The following TOX2 variants were observed in gnomAD, a reference collection of about 807,000 sequenced individuals.
The protein encoded by TOX2 is granulosa cell HMG box 1.
In TOX2, 15 loss-of-function variants were observed where a neutral mutation model predicts 47.4. The observed-to-expected ratio is 0.32, with a 90% CI of 0.21 to 0.49. The LOEUF (loss-of-function observed/expected upper bound fraction) is 0.49, where lower values mean the gene tolerates loss of function less well. Among genes scored for constraint, TOX2 ranks in the 20% least tolerant of loss-of-function variants. The pLI is 0.99. For synonymous variants in TOX2, 290 were observed against 296.6 expected (o/e 0.98, Z 0.23); for missense variants, 622 against 673.1 (o/e 0.92, Z 0.84).
At chr20:43,969,779 A>G (rs2069930427) in intron 1 of TOX2, among the ~76,000 whole-genome samples, 1 of 152,192 alleles carries the variant, frequency 6.6e-6, no homozygotes, top group Non-Finnish European at 1.5e-5. Context: ...TGCCTCGGGA[A>G]CCTCTGCCAG....
intron 1 of TOX2, among the ~76,000 whole-genome samples, chr20:43,964,023 G>A (rs751459158): frequency 2.2e-4 from 33 of 151,632 alleles, no homozygotes; most frequent in African/African-American, 6.3e-4. Flanking sequence ...AGCACTTTCC[G>A]TATATTTATT....
At chr20:43,967,431 G>A (rs1315842825) in intron 1 of TOX2, among the ~76,000 whole-genome samples, 3 of 151,948 alleles carry the variant, frequency 2.0e-5, no homozygotes, top group African/African-American at 4.8e-5. Context: ...ATTGCTATGC[G>A]CCTATCCATT....
rs199887359 is a variant in TOX2, at chr20:44,064,864, C to T, written c.960+7C>T. The stretch of plus-strand genomic sequence containing the variant: ...GGCTAGCCTCGTCTCCAAGGTAACA[C>T]CCGGAATCTCCAGGCACAGCCCTGA... On this transcript the variant is annotated splice_region_variant and intron_variant, in intron 6 of 8. Coordinates refer to ENST00000341197, the MANE Select transcript of TOX2 (RefSeq NM_001098797.2). 5.0e-5 allele frequency: 81 copies of T among 1,613,710 alleles called. No individual in the cohort carries two copies. The African/African-American group carries it at 1.0e-3, about 20-fold the overall frequency.
At chr20:44,001,509 C>T (rs1447592493) in intron 2 of TOX2, among the ~76,000 whole-genome samples, 1 of 152,182 alleles carries the variant, frequency 6.6e-6, no homozygotes, top group Non-Finnish European at 1.5e-5. Context: ...TGCTAATTGC[C>T]TCTTTAAGTG....
At chr20:44,067,150 G>A (rs1203672610) in intron 8 of TOX2, among the ~76,000 whole-genome samples, 1 of 152,202 alleles carries the variant, frequency 6.6e-6, no homozygotes, top group Non-Finnish European at 1.5e-5. Flanking sequence ...TCACAGATGA[G>A]TCCTGCATCT....
intron 3 of TOX2, among the ~76,000 whole-genome samples, chr20:44,028,566 T>C (rs1227715296): frequency 4.6e-5 from 7 of 152,202 alleles, no homozygotes; most frequent in African/African-American, 1.7e-4. Flanking sequence ...CCAGGCACTC[T>C]TCCAAGCCCT....
rs979844001 is a variant in TOX2, at chr20:44,032,836, C to A, written c.412-18470C>A. ...AGACAAAACCAGCCCCCAAAGGGGA[C>A]AAATTGCTTTTCATTTCTCTGCTTC... On this transcript the variant is annotated intron_variant, in intron 3 of 8. Coordinates refer to ENST00000341197, the MANE Select transcript of TOX2 (RefSeq NM_001098797.2). Among the ~76,000 whole-genome samples the A allele has an allele frequency of 6.6e-5, 10 of 152,176 alleles. No individual in the cohort carries two copies. In the South Asian group the frequency reaches 8.3e-4, roughly 13 times the overall value.
At chr20:43,941,069 C>A (rs1034538601) in intron 1 of TOX2, among the ~76,000 whole-genome samples, 1 of 152,090 alleles carries the variant, frequency 6.6e-6, no homozygotes, top group Admixed American at 6.5e-5. Flanking sequence ...AAGGAAGGTT[C>A]CATGGAAATC....
At chr20:44,067,858 G>A (rs2071858436) in intron 8 of TOX2, among the ~76,000 whole-genome samples, 1 of 152,170 alleles carries the variant, frequency 6.6e-6, no homozygotes, top group Non-Finnish European at 1.5e-5. Flanking sequence ...GGGGGACGTA[G>A]TGCCAAGCAG....
intron 3 of TOX2, among the ~76,000 whole-genome samples, chr20:44,029,064 C>A (rs899071109): frequency 2.0e-5 from 3 of 152,170 alleles, no homozygotes; most frequent in Non-Finnish European, 2.9e-5. Context: ...AGCTTCGTCC[C>A]TTCCTTGGCC....
chr20:43,995,340 G>T (rs546987241), intron 2 of TOX2, among the ~76,000 whole-genome samples: 1 of 152,100 alleles, frequency 6.6e-6, no homozygotes, highest in South Asian at 2.1e-4. Flanking sequence ...TGACAAAATT[G>T]CATTTCATTC....
At position 44,066,865 on chromosome 20, in the gene TOX2, C is replaced by G. The variant is rs376829348; in HGVS notation, c.1484+8C>G. 6.2e-7 allele frequency: 1 copy of G among 1,609,970 alleles called. No individual in the cohort carries two copies. Among genetic ancestry groups the G allele is most frequent in the East Asian group, 2.2e-5 (1 of 44,842 alleles). The stretch of plus-strand genomic sequence containing the variant: ...TGGCATCAGCACCTGCAGGTTAGTC[C>G]TCGCCCGTCCCTGCCTTTGTCCTGC... On this transcript the variant is annotated splice_region_variant and intron_variant, in intron 8 of 8. Transcript: ENST00000341197.
chr20:43,927,417 A>T (rs11906108), intron 1 of TOX2, among the ~76,000 whole-genome samples: 17,867 of 149,082 alleles, frequency 0.12, 1,361 homozygotes, highest in East Asian at 0.21. Flanking sequence ...GAGTCCTCAG[A>T]AATATATTCC....
chr20:43,992,976 C>T (rs2070397094), intron 2 of TOX2, among the ~76,000 whole-genome samples: 1 of 152,134 alleles, frequency 6.6e-6, no homozygotes, highest in Admixed American at 6.5e-5. Flanking sequence ...TCCTTATACC[C>T]ACCAAGCATG....
intron 3 of TOX2, among the ~76,000 whole-genome samples, chr20:44,026,944 G>A (rs1450501375): frequency 2.0e-5 from 3 of 152,144 alleles, no homozygotes; most frequent in Non-Finnish European, 4.4e-5. Context: ...TTCAGTCTCG[G>A]CTTAACCAGC....
chr20:44,051,184 G>A lies in TOX2; in HGVS notation c.412-122G>A, dbSNP rs571077037. On this transcript the variant is annotated intron_variant, in intron 3 of 8. Coordinates refer to ENST00000341197, the MANE Select transcript of TOX2 (RefSeq NM_001098797.2). ...TCTTGAGATTCACCTGTCAGGGATC[G>A]GAGCAGGAGCCGCACCCATCACTTC... 34 of 1,387,658 alleles carry A rather than the reference G, an allele frequency of 2.5e-5. 1 individual carries two copies. Among genetic ancestry groups the A allele is most frequent in the South Asian group, 1.1e-4 (7 of 63,476 alleles). 86.0% of individuals were successfully genotyped at this position (1,387,658 alleles called of 1,614,324 possible).
intron 3 of TOX2, among the ~76,000 whole-genome samples, chr20:44,044,284 C>T (rs1288712280): frequency 3.3e-5 from 5 of 151,264 alleles, no homozygotes; most frequent in African/African-American, 4.9e-5. Context: ...TTGTGGGGGG[C>T]GGTTGTGGGG....
chr20:43,976,135 G>A (rs372080715), intron 2 of TOX2, among the ~76,000 whole-genome samples: 5 of 152,238 alleles, frequency 3.3e-5, no homozygotes, highest in African/African-American at 9.6e-5. Context: ...TAGTGTATCC[G>A]TTAGTTTTTC....
intron 3 of TOX2, among the ~76,000 whole-genome samples, chr20:44,042,825 A>G (rs2071354249): frequency 6.6e-6 from 1 of 152,188 alleles, no homozygotes; most frequent in Admixed American, 6.5e-5. Context: ...ACTTATTTAT[A>G]TAGAGAGATA....
Sources: allele counts gnomAD v4.1 joint callset (sites outside exome capture counted in the v4.1 genomes callset), GRCh38; gene constraint gnomAD v4.1.1; transcripts MANE v1.5; gene names NCBI Gene and HGNC (gene_info 2026-07-23, HGNC 2026-07-21).